Variants in SCN8A observed in about 807,000 individuals in gnomAD.
The protein encoded by SCN8A is sodium voltage-gated channel alpha subunit 8, also known as sodium channel protein type 8 subunit alpha.
Under a neutral mutation model 184.1 loss-of-function variants are expected in SCN8A, and 30 were observed. That is an observed-to-expected ratio of 0.16 (90% CI 0.12 to 0.22). The LOEUF is 0.22. Ranked by LOEUF, SCN8A falls within the 10% of genes least tolerant of loss-of-function variation. SCN8A has a pLI of 1.00. For missense variants in SCN8A, 1,057 were observed against 2,498.9 expected, an observed-to-expected ratio of 0.42 and a Z score of 12.30; for synonymous variants, 852 against 907.0, an observed-to-expected ratio of 0.94 and a Z score of 1.09.
chr12:51,638,742 C>G (rs1200569748), intron 1 of SCN8A, among the ~76,000 whole-genome samples: 1 of 152,136 alleles, frequency 6.6e-6, no homozygotes, highest in Non-Finnish European at 1.5e-5. Flanking sequence ...TCCTCAGCCT[C>G]CCAAAGTGCT....
At chr12:51,782,434 G>C (rs1643990255) in intron 21 of SCN8A, among the ~76,000 whole-genome samples, 1 of 152,198 alleles carries the variant, frequency 6.6e-6, no homozygotes, top group Non-Finnish European at 1.5e-5. Context: ...AACTATACTG[G>C]TTTTGTTATA....
intron 20 of SCN8A, among the ~76,000 whole-genome samples, chr12:51,777,141 C>A (rs770842391): frequency 1.1e-4 from 16 of 152,206 alleles, no homozygotes; most frequent in Non-Finnish European, 2.1e-4. Context: ...GGCCTGAATT[C>A]AGACTGCTGA....
At chr12:51,675,899 A>G (rs1941214289) in intron 2 of SCN8A, among the ~76,000 whole-genome samples, 1 of 152,218 alleles carries the variant, frequency 6.6e-6, no homozygotes, top group Non-Finnish European at 1.5e-5. Context: ...TGAGACAATT[A>G]TTATATTAAG....
chr12:51,681,724 G>A (rs763509051), intron 2 of SCN8A, among the ~76,000 whole-genome samples: 7 of 152,208 alleles, frequency 4.6e-5, no homozygotes, highest in Admixed American at 2.0e-4. Flanking sequence ...TGTAGTGGGC[G>A]TTTGTAGAAT....
chr12:51,702,627 T>C (rs1941710567), intron 8 of SCN8A, 146 bp from the exon 9 acceptor site: 3 of 624,940 alleles, frequency 4.8e-6, no homozygotes, highest in Non-Finnish European at 7.3e-6. Flanking sequence ...CTTCTTTTTC[T>C]TCTAATTTGT....
At chr12:51,619,082 T>C (rs1054000708) in intron 1 of SCN8A, among the ~76,000 whole-genome samples, 6 of 152,128 alleles carry the variant, frequency 3.9e-5, no homozygotes, top group South Asian at 2.1e-4. Context: ...TTTGTACTTA[T>C]TACCAAACTG....
intron 7 of SCN8A, among the ~76,000 whole-genome samples, chr12:51,700,031 T>A (rs1476997048): frequency 1.3e-5 from 2 of 152,060 alleles, no homozygotes; most frequent in African/African-American, 4.8e-5. Context: ...CCAGGCGTGG[T>A]GGCACATGCC....
At position 51,807,277 on chromosome 12, in the gene SCN8A, C is replaced by T; in HGVS notation, c.5791C>T (p.His1931Tyr). 4 of 1,613,954 alleles carry T rather than the reference C, an allele frequency of 2.5e-6. No individual in the cohort carries two copies. Among genetic ancestry groups the T allele is most frequent in the Non-Finnish European group, 3.4e-6 (4 of 1,179,886 alleles). ...TSNKLENGGTHREKKESTPST... is the reference protein window; with the variant it reads ...TSNKLENGGTYREKKESTPST... Reference sequence around the variant, plus strand: ...TAATAAGCTGGAGAATGGAGGCACACACCGGGAGAAAAAAGAGAGCACCCC... The same window carrying T: ...TAATAAGCTGGAGAATGGAGGCACATACCGGGAGAAAAAAGAGAGCACCCC... Residue 1931 changes from histidine to tyrosine, a missense_variant, in exon 27 of 27, where the codon CAC becomes TAC. By Grantham distance (83) the His-to-Tyr change is moderately conservative. This residue lies in a region of SCN8A where 95 missense variants were observed against 140.2 expected (regional missense o/e 0.68). Transcript: ENST00000627620. This position sits in a 1 kb window ranked among gnomAD's most constrained non-coding sequence, Gnocchi z 4.5.
At chr12:51,668,607 A>G (rs1370006202) in intron 2 of SCN8A, among the ~76,000 whole-genome samples, 1 of 152,150 alleles carries the variant, frequency 6.6e-6, no homozygotes, top group African/African-American at 2.4e-5. Context: ...TAAAAAGTGC[A>G]GTGGTAAGAG....
At chr12:51,774,448 C>A in intron 20 of SCN8A, 86 bp downstream of exon 20, 2 of 1,296,106 alleles carry the variant, frequency 1.5e-6, no homozygotes, top group Non-Finnish European at 2.1e-6. Flanking sequence ...AGTAGCTGCC[C>A]TGGGCCCAGG....
chr12:51,741,649 G>A (rs546284949), intron 12 of SCN8A, among the ~76,000 whole-genome samples: 2 of 151,852 alleles, frequency 1.3e-5, no homozygotes, highest in East Asian at 3.9e-4. Flanking sequence ...TTTTCAATTC[G>A]AGGCTACCAT....
At chr12:51,763,612 G>T (rs1273685045) in intron 15 of SCN8A, among the ~76,000 whole-genome samples, 1 of 152,192 alleles carries the variant, frequency 6.6e-6, no homozygotes, top group African/African-American at 2.4e-5. Flanking sequence ...TGTATTTGAA[G>T]AAGTTAGTGT....
At chr12:51,672,033 T>C (rs1364816686) in intron 2 of SCN8A, among the ~76,000 whole-genome samples, 2 of 152,182 alleles carry the variant, frequency 1.3e-5, no homozygotes, top group African/African-American at 4.8e-5. Context: ...TTCTACCTCC[T>C]CTGGAATTTC....
intron 12 of SCN8A, among the ~76,000 whole-genome samples, chr12:51,737,656 C>A (rs1942349541): frequency 6.6e-6 from 1 of 152,270 alleles, no homozygotes; most frequent in Middle Eastern, 3.4e-3. Flanking sequence ...GAGTAGTAGT[C>A]TGAATTTTGT....
intron 1 of SCN8A, among the ~76,000 whole-genome samples, chr12:51,629,214 G>T (rs1940143879): frequency 2.0e-5 from 3 of 152,196 alleles, no homozygotes; most frequent in African/African-American, 7.2e-5. Context: ...CTATTGATAT[G>T]GCAGAGGCTA....
chr12:51,629,582 CAA>C (rs71092711), intron 1 of SCN8A, among the ~76,000 whole-genome samples: 3,227 of 129,248 alleles, frequency 0.025, 76 homozygotes, highest in African/African-American at 0.095. Context: ...ATCAGTTTTG[CAA>C]AAAAAAAAAA....
intron 11 of SCN8A, among the ~76,000 whole-genome samples, chr12:51,707,246 G>C (rs1298914407): frequency 6.6e-6 from 1 of 151,714 alleles, no homozygotes; most frequent in Non-Finnish European, 1.5e-5. Flanking sequence ...TGAAATTGCT[G>C]GTGTATTATT....
chr12:51,648,739 G>T lies in SCN8A; in HGVS notation c.-54-14025G>T, dbSNP rs1359227118. 4.6e-5 allele frequency among the ~76,000 whole-genome samples: 7 copies of T among 152,274 alleles called. No individual in the cohort carries two copies. The Middle Eastern group carries it at 0.01, about 222-fold the overall frequency. ...TCCCACCAGGTCCCTCCCACAACAC[G>T]TGGGAATCATGGGAGTACAATTCAA... On this transcript the variant is annotated intron_variant, in intron 1 of 26. Coordinates refer to ENST00000627620, the MANE Select transcript of SCN8A (RefSeq NM_001330260.2).
intron 20 of SCN8A, among the ~76,000 whole-genome samples, chr12:51,776,062 T>C (rs1434156190): frequency 6.6e-6 from 1 of 152,220 alleles, no homozygotes; most frequent in Non-Finnish European, 1.5e-5. Flanking sequence ...CCATCTCTGC[T>C]CACTGCAGCC....
Sources: allele counts gnomAD v4.1 joint callset (sites outside exome capture counted in the v4.1 genomes callset), GRCh38; gene constraint gnomAD v4.1.1; regional missense constraint gnomAD v4.1.1; non-coding constraint Gnocchi (gnomAD v3.1); transcripts MANE v1.5; gene names NCBI Gene and HGNC (gene_info 2026-07-23, HGNC 2026-07-21).